PON3: variants seen among roughly 807,000 people sequenced by gnomAD.
The protein encoded by PON3 is serum paraoxonase/lactonase 3.
PON3 carries 37 observed loss-of-function variants against 36.3 expected under a neutral mutation model. That is an observed-to-expected ratio of 1.02 (90% CI 0.78 to 1.34). The LOEUF is 1.34. Among genes scored for constraint, PON3 ranks in the 40% most tolerant of loss-of-function variants. The probability of loss-of-function intolerance (pLI) is 0.00; values close to 1 mark genes in which losing one functional copy is unlikely to be tolerated. For missense variants in PON3, 415 were observed against 426.5 expected, an observed-to-expected ratio of 0.97 and a Z score of 0.24; for synonymous variants, 155 against 154.8, an observed-to-expected ratio of 1.00 and a Z score of -0.01.
intron 5 of PON3, chr7:95,365,242 T>C (rs9640632): frequency 0.44 from 67,025 of 152,116 alleles, 15,819 homozygotes; most frequent in East Asian, 0.74. Context: ...GCTGCTGCTA[T>C]TTCAACCAGT....
At chr7:95,382,017 G>C (rs896768024) in intron 3 of PON3, among the ~76,000 whole-genome samples, 1 of 152,184 alleles carries the variant, frequency 6.6e-6, no homozygotes, top group Non-Finnish European at 1.5e-5. Flanking sequence ...AGACCACAGT[G>C]CAATCAAACT....
At chr7:95,365,029 C>T (rs1808660517) in intron 5 of PON3, 1 of 152,162 alleles carries the variant, frequency 6.6e-6, no homozygotes, top group Admixed American at 6.5e-5. Context: ...CCCAAGGTCA[C>T]TCGGCTACTC....
chr7:95,380,303 C>T (rs1295909681), intron 3 of PON3, among the ~76,000 whole-genome samples: 1 of 152,200 alleles, frequency 6.6e-6, no homozygotes, highest in African/African-American at 2.4e-5. Flanking sequence ...ACCTCTCCTC[C>T]TCCAAACGAA....
chr7:95,385,736 C>G (rs1255204898), intron 3 of PON3, among the ~76,000 whole-genome samples: 2 of 152,164 alleles, frequency 1.3e-5, no homozygotes, highest in African/African-American at 4.8e-5. Flanking sequence ...ACAGTGCAAT[C>G]AAATTAGAAC....
chr7:95,367,580 T>C, intron 4 of PON3, 92 bp from the exon 5 acceptor site: 2 of 1,400,094 alleles, frequency 1.4e-6, no homozygotes, highest in South Asian at 2.3e-5. Flanking sequence ...TCCAAAAGTT[T>C]TCTTCTTACA....
intron 1 of PON3, among the ~76,000 whole-genome samples, chr7:95,395,027 T>C (rs564829605): frequency 1.2e-4 from 18 of 152,346 alleles, no homozygotes; most frequent in African/African-American, 4.3e-4. Context: ...TATTATTAAT[T>C]TAAATGCACG....
chr7:95,378,693 C>A (rs185294576), intron 3 of PON3, among the ~76,000 whole-genome samples: 1 of 152,256 alleles, frequency 6.6e-6, no homozygotes, highest in Non-Finnish European at 1.5e-5. Flanking sequence ...CCTTTACAGA[C>A]AACAAATGCT....
At chr7:95,369,813 T>A (rs1808771724) in intron 4 of PON3, among the ~76,000 whole-genome samples, 1 of 152,024 alleles carries the variant, frequency 6.6e-6, no homozygotes, top group Non-Finnish European at 1.5e-5. Flanking sequence ...TGAATGATTT[T>A]AAAAAAGAGG....
At chr7:95,379,503 C>A (rs1456455901) in intron 3 of PON3, among the ~76,000 whole-genome samples, 1 of 152,230 alleles carries the variant, frequency 6.6e-6, no homozygotes, top group Non-Finnish European at 1.5e-5. Context: ...TCACTCCCAC[C>A]CTAATACTGC....
At chr7:95,364,310 A>T in intron 5 of PON3, 1 of 533,946 alleles carries the variant, frequency 1.9e-6, no homozygotes, top group Non-Finnish European at 3.4e-6. Context: ...AAATAAATTC[A>T]CAAATAAATC....
intron 3 of PON3, among the ~76,000 whole-genome samples, chr7:95,374,130 C>T (rs1052269546): frequency 6.6e-6 from 1 of 152,162 alleles, no homozygotes; most frequent in Non-Finnish European, 1.5e-5. Flanking sequence ...TTGTCTTCCA[C>T]GAAACTGGTC....
intron 5 of PON3, among the ~76,000 whole-genome samples, chr7:95,366,729 CCT>C (rs143395798): frequency 9.1e-4 from 139 of 152,258 alleles, no homozygotes; most frequent in African/African-American, 3.3e-3. Flanking sequence ...GGGTTTATAC[CCT>C]GTTTCTGCCA....
At position 95,367,474 on chromosome 7, in the gene PON3, GAT is replaced by G; in HGVS notation, c.380_381del (p.Tyr127SerfsTer17). Reference sequence around the variant, plus strand: ...ATGTGGGGATGATTCACAACATAAAGATACACAGTATTGTCTACATGGAAAAA... The same window carrying G: ...ATGTGGGGATGATTCACAACATAAAGACACAGTATTGTCTACATGGAAAAA... ...SIFIDKDNTV[Y>X]LYVVNHPHMK... On this transcript the variant is annotated frameshift_variant, in exon 5 of 9. Transcript: ENST00000265627. LOFTEE classifies it high-confidence loss of function. 1 of 1,613,070 alleles carries G rather than the reference GAT, an allele frequency of 6.2e-7. No homozygotes were observed. Among genetic ancestry groups the G allele is most frequent in the Non-Finnish European group, 8.5e-7 (1 of 1,179,378 alleles).
rs566336494 is a variant in PON3, at chr7:95,390,177, T to C, written c.178A>G (p.Ser60Gly). 5.5e-5 allele frequency: 89 copies of C among 1,612,000 alleles called. No homozygotes were observed. In the South Asian group the frequency reaches 9.4e-4, roughly 17 times the overall value. Residue 60 changes from serine to glycine, a missense_variant, in exon 3 of 9, where the codon AGT (serine) becomes GGT (glycine). Ser to Gly is a moderately conservative substitution (Grantham distance 56, BLOSUM62 0). Coordinates refer to ENST00000265627, the MANE Select transcript of PON3 (RefSeq NM_000940.3). Reference protein sequence around the residue: ...SGSEDIDILPSGLAFISSGLK... With the variant: ...SGSEDIDILPGGLAFISSGLK... Reference sequence around the variant, plus strand: ...ACACTGGAGATAAAAGCCAGCCCACTAGGAAGTATATCAATATCTTCAGAG... The same window carrying C: ...ACACTGGAGATAAAAGCCAGCCCACCAGGAAGTATATCAATATCTTCAGAG...
rs76171675 is a variant in PON3 at position 95,359,943 on chromosome 7, C to CT, written c.*29dup. Reference sequence around the variant, plus strand: ...AGTTTACTTTTACAAAATATGTAGACTTTTTTTTTTTTTTTTTACTATCTA... The same window carrying CT: ...AGTTTACTTTTACAAAATATGTAGACTTTTTTTTTTTTTTTTTTACTATCTA... On this transcript the variant is annotated 3_prime_UTR_variant, in exon 9 of 9. Transcript: ENST00000265627. 0.049 allele frequency: 70,558 copies of CT among 1,452,720 alleles called. 179 individuals are homozygous for CT. Among genetic ancestry groups the CT allele is most frequent in the African/African-American group, 0.066 (4,381 of 66,574 alleles). The allele number at this position is 1,452,720 out of a possible 1,614,324, so 90.0% of individuals were successfully genotyped here.
intron 2 of PON3, among the ~76,000 whole-genome samples, chr7:95,393,522 A>G (rs1809364659): frequency 6.6e-6 from 1 of 152,194 alleles, no homozygotes; most frequent in Non-Finnish European, 1.5e-5. Context: ...TCTGTTAGCA[A>G]TGTCAGGAAG....
At chr7:95,362,102 T>A (rs753365745) in intron 8 of PON3, among the ~76,000 whole-genome samples, 1 of 152,200 alleles carries the variant, frequency 6.6e-6, no homozygotes, top group Non-Finnish European at 1.5e-5. Flanking sequence ...AAATACGATA[T>A]GGCAATCTGG....
In PON3 at chr7:95,380,726, T is replaced by C. The variant is rs193022339; in HGVS notation, c.202-8388A>G. Among the ~76,000 whole-genome samples, 635 of 152,302 alleles carry C rather than the reference T, an allele frequency of 4.2e-3. 8 individuals are homozygous for C. The highest frequency in any genetic ancestry group is 0.014 in the African/African-American group (590 of 41,560). On this transcript the variant is annotated intron_variant, in intron 3 of 8. Coordinates refer to ENST00000265627, the MANE Select transcript of PON3 (RefSeq NM_000940.3). Reference sequence around the variant, plus strand: ...GTGAAAAGACCAAATCTGCGTCTGATTGGTGTACCTGAAAGTGACGGGGAG... The same window carrying C: ...GTGAAAAGACCAAATCTGCGTCTGACTGGTGTACCTGAAAGTGACGGGGAG...
At chr7:95,368,263 A>G (rs547381298) in intron 4 of PON3, among the ~76,000 whole-genome samples, 3 of 152,286 alleles carry the variant, frequency 2.0e-5, no homozygotes, top group South Asian at 4.2e-4. Flanking sequence ...CTTGATCTGT[A>G]TTCATCTTCC....
Sources: allele counts gnomAD v4.1 joint callset (sites outside exome capture counted in the v4.1 genomes callset), GRCh38; gene constraint gnomAD v4.1.1; transcripts MANE v1.5; gene names NCBI Gene and HGNC (gene_info 2026-07-23, HGNC 2026-07-21).